METAP1: variants seen among roughly 807,000 people sequenced by gnomAD.
METAP1 encodes the protein methionine aminopeptidase 1.
In METAP1, 28 loss-of-function variants were observed where a neutral mutation model predicts 53.8. The ratio of observed to expected loss-of-function variants is 0.52; its 90% CI spans 0.39 to 0.71. The LOEUF (loss-of-function observed/expected upper bound fraction) is 0.71, where lower values mean the gene tolerates loss of function less well. METAP1 is among the 30% of genes least tolerant of loss of function. The pLI is 0.00. For missense variants in METAP1, 389 were observed against 479.8 expected, an observed-to-expected ratio of 0.81 and a Z score of 1.77; for synonymous variants, 181 against 165.7, an observed-to-expected ratio of 1.09 and a Z score of -0.71.
chr4:99,018,370 T>C (rs1194129238), intron 1 of METAP1, among the ~76,000 whole-genome samples: 2 of 152,236 alleles, frequency 1.3e-5, no homozygotes, highest in African/African-American at 4.8e-5. Flanking sequence ...GATATAAGTA[T>C]GTCATCCATA....
intron 8 of METAP1, among the ~76,000 whole-genome samples, chr4:99,046,936 C>CAAAAAAAAAAAAAA (rs56702946): frequency 1.3e-3 from 110 of 82,180 alleles, no homozygotes; most frequent in East Asian, 2.1e-3. Context: ...ACTGAAGAAA[C>CAAAAAAAAAAAAAA]AAAAAAAAAA....
In METAP1 at chr4:99,039,405, T is replaced by A; in HGVS notation, c.372T>A (p.Gly124=). 1 of 1,611,654 alleles carries A rather than the reference T, an allele frequency of 6.2e-7. No homozygotes were observed. The highest frequency in any genetic ancestry group is 8.5e-7 in the Non-Finnish European group (1 of 1,178,286). The change falls in exon 5 of 11, where the codon GGT becomes GGA. Residue 124 remains glycine (G), a synonymous_variant. Transcript: ENST00000296411. ...GMSESEQALK[G]TSQIKLLSSE... Reference sequence around the variant, plus strand: ...CTGAATCTGAACAGGCTCTTAAAGGTACTTCTCAGATTAAATTACTCTCAT... The same window carrying A: ...CTGAATCTGAACAGGCTCTTAAAGGAACTTCTCAGATTAAATTACTCTCAT...
intron 1 of METAP1, among the ~76,000 whole-genome samples, chr4:99,017,474 C>G (rs1723833930): frequency 6.6e-6 from 1 of 152,230 alleles, no homozygotes; most frequent in Non-Finnish European, 1.5e-5. Flanking sequence ...TCCGAGAGGA[C>G]CCATCTAGGA....
chr4:99,023,427 A>T (rs1472090871), intron 1 of METAP1: 1 of 907,996 alleles, frequency 1.1e-6, no homozygotes, highest in Non-Finnish European at 1.3e-6. Flanking sequence ...TATATGTTAT[A>T]TCTTGATACA....
intron 1 of METAP1, among the ~76,000 whole-genome samples, chr4:99,011,039 A>G (rs1252239248): frequency 1.4e-5 from 1 of 71,834 alleles, no homozygotes; most frequent in Non-Finnish European, 2.4e-5. Context: ...TATTAGCTCT[A>G]ACAGTTTTTT....
intron 6 of METAP1, 36 bp from the exon 7 acceptor site, chr4:99,043,213 T>C (rs750590475): frequency 7.0e-7 from 1 of 1,433,756 alleles, no homozygotes; most frequent in Non-Finnish European, 9.4e-7. Flanking sequence ...AGATTTTTTC[T>C]TTTATATATT....
At chr4:98,999,155 T>A (rs1467393385) in intron 1 of METAP1, among the ~76,000 whole-genome samples, 2 of 152,120 alleles carry the variant, frequency 1.3e-5, no homozygotes, top group Admixed American at 1.3e-4. Context: ...AATGATCCTA[T>A]CTTGTTCACT....
At position 99,023,795 on chromosome 4, in the gene METAP1, G is replaced by A. The variant is rs865931759; in HGVS notation, c.115-5072G>A. 8.1e-6 allele frequency: 8 copies of A among 984,228 alleles called. No homozygotes were observed. The African/African-American group carries it at 1.2e-4, about 15-fold the overall frequency. 61.0% of individuals were successfully genotyped at this position (984,228 alleles called of 1,614,324 possible). ...TTAATTTGATAGATACTAAAGTAGT[G>A]TAACCATACAATGGGTTCATCTTGC... On this transcript the variant is annotated intron_variant, in intron 1 of 10. Coordinates refer to ENST00000296411, the MANE Select transcript of METAP1 (RefSeq NM_015143.3).
At chr4:99,015,798 G>T (rs1352362648) in intron 1 of METAP1, among the ~76,000 whole-genome samples, 1 of 152,176 alleles carries the variant, frequency 6.6e-6, no homozygotes, top group Non-Finnish European at 1.5e-5. Flanking sequence ...CACTTGAGAT[G>T]ATTCCAATCT....
chr4:98,998,539 C>G (rs909636749), intron 1 of METAP1, among the ~76,000 whole-genome samples: 2 of 151,954 alleles, frequency 1.3e-5, no homozygotes, highest in Non-Finnish European at 2.9e-5. Context: ...AAAACAAAAA[C>G]AAAACAAAAC....
At chr4:99,011,022 T>G (rs1439729594) in intron 1 of METAP1, among the ~76,000 whole-genome samples, 4 of 145,908 alleles carry the variant, frequency 2.7e-5, no homozygotes, top group Non-Finnish European at 5.9e-5. Context: ...ATCCTGCAAC[T>G]TTAGTTTATT....
intron 1 of METAP1, among the ~76,000 whole-genome samples, chr4:99,016,843 G>C (rs1376625568): frequency 6.6e-6 from 1 of 152,192 alleles, no homozygotes; most frequent in African/African-American, 2.4e-5. Flanking sequence ...GTCACATAGG[G>C]CCTGAGGGCC....
chr4:99,008,993 T>C (rs991141389), intron 1 of METAP1, among the ~76,000 whole-genome samples: 2 of 152,186 alleles, frequency 1.3e-5, no homozygotes, highest in African/African-American at 4.8e-5. Flanking sequence ...ACGTTTTCAT[T>C]TTGCAGAACT....
intron 1 of METAP1, among the ~76,000 whole-genome samples, chr4:99,002,920 G>A (rs894296512): frequency 5.3e-5 from 8 of 151,586 alleles, no homozygotes; most frequent in Admixed American, 1.3e-4. Flanking sequence ...ACAAAAATTA[G>A]CTGGGTGGTG....
At chr4:99,027,250 G>T (rs1173444975) in intron 1 of METAP1, among the ~76,000 whole-genome samples, 1 of 152,202 alleles carries the variant, frequency 6.6e-6, no homozygotes, top group South Asian at 2.1e-4. Flanking sequence ...TTATTAGTGT[G>T]CATGGGGAAG....
intron 1 of METAP1, chr4:99,022,510 C>G (rs1724196230): frequency 1.6e-6 from 1 of 631,510 alleles, no homozygotes; most frequent in South Asian, 2.2e-5. Flanking sequence ...TGTCCAGGAG[C>G]CATCTGGGTG....
At position 99,048,832 on chromosome 4, in the gene METAP1, T is replaced by A; in HGVS notation, c.887T>A (p.Ile296Asn). ...GTTCGAAGCTATTGTGGGCATGGAA[T>A]CCACAAGCTTTTTCATACAGCTCCC... ...SVVRSYCGHGIHKLFHTAPNV... is the reference protein window; with the variant it reads ...SVVRSYCGHGNHKLFHTAPNV... The change falls in exon 9 of 11, where the codon ATC becomes AAC. Residue 296 changes from isoleucine to asparagine, a missense_variant. Coordinates refer to ENST00000296411, the MANE Select transcript of METAP1 (RefSeq NM_015143.3). 6.2e-7 allele frequency: 1 copy of A among 1,614,022 alleles called. No homozygotes were observed. The highest frequency in any genetic ancestry group is 8.5e-7 in the Non-Finnish European group (1 of 1,179,880).
chr4:99,018,634 A>C (rs1723915264), intron 1 of METAP1, among the ~76,000 whole-genome samples: 1 of 152,200 alleles, frequency 6.6e-6, no homozygotes, highest in Admixed American at 6.5e-5. Flanking sequence ...GAATTTTACT[A>C]AGGTTAATAT....
At chr4:99,003,200 A>T (rs1418250790) in intron 1 of METAP1, among the ~76,000 whole-genome samples, 1 of 152,238 alleles carries the variant, frequency 6.6e-6, no homozygotes, top group Non-Finnish European at 1.5e-5. Flanking sequence ...ATAAATGATA[A>T]GTGAAATTGT....
Sources: gnomAD v4.1 joint callset for allele counts (sites outside exome capture counted in the v4.1 genomes callset) on GRCh38, gnomAD v4.1.1 for gene constraint, MANE v1.5 for transcripts, NCBI Gene and HGNC (gene_info 2026-07-23, HGNC 2026-07-21) for gene names.